Variants in AGTPBP1 observed in about 807,000 individuals in gnomAD.
The protein encoded by AGTPBP1 is cytosolic carboxypeptidase 1.
Under a neutral mutation model 143.9 loss-of-function variants are expected in AGTPBP1, and 70 were observed. The ratio of observed to expected loss-of-function variants is 0.49; its 90% confidence interval spans 0.40 to 0.59. The LOEUF is 0.59. Ranked by LOEUF, AGTPBP1 falls within the 20% of genes least tolerant of loss-of-function variation. AGTPBP1 has a pLI of 0.00. For synonymous variants in AGTPBP1, 463 were observed against 500.2 expected, an observed-to-expected ratio of 0.93 and a Z score of 0.99; for missense variants, 1,229 against 1,464.5, an observed-to-expected ratio of 0.84 and a Z score of 2.62.
the AGTPBP1 span, among the ~76,000 whole-genome samples, chr9:85,778,703 C>T: frequency 1.3e-5 from 2 of 152,176 alleles, no homozygotes; most frequent in African/African-American, 2.4e-5. Context: ...GGGCCGAATG[C>T]AGCAACTTAT....
At position 85,621,281 on chromosome 9, in the gene AGTPBP1, T is replaced by C; in HGVS notation, c.2020A>G (p.Lys674Glu). ...AGCCTTTCAATATCTTGAGCAATTT[T>C]TGTCCTGAAATCATAAAGGTTTAAC... The part of the protein sequence containing the change: ...LERPYGVQRT[K>E]IAQDIERLIH... Residue 674 changes from lysine (K) to glutamate (E), a missense_variant, in exon 15 of 26, where the codon AAA becomes GAA. Around this residue, in one of 2 missense-constraint regions of AGTPBP1, gnomAD observed 743 missense variants for 812.2 expected, o/e 0.91. Coordinates refer to ENST00000357081, the MANE Select transcript of AGTPBP1 (RefSeq NM_001330701.2). 1 of 1,440,568 alleles carries C rather than the reference T, an allele frequency of 6.9e-7. No individual in the cohort carries two copies. The highest frequency in any genetic ancestry group is 9.1e-7 in the Non-Finnish European group (1 of 1,098,240). The allele number at this position is 1,440,568 out of a possible 1,614,324, so 89.2% of individuals were successfully genotyped here.
intron 2 of AGTPBP1, among the ~76,000 whole-genome samples, chr9:85,699,309 C>T (rs1836492828): frequency 1.3e-5 from 2 of 152,094 alleles, no homozygotes; most frequent in Non-Finnish European, 2.9e-5. Flanking sequence ...AGGGCATTAT[C>T]ACTCAAATAT....
At chr9:85,694,007 T>C in intron 2 of AGTPBP1, among the ~76,000 whole-genome samples, 1 of 152,118 alleles carries the variant, frequency 6.6e-6, no homozygotes, top group East Asian at 1.9e-4. Context: ...AGGTGGCCAG[T>C]GTGGCTGGAG....
At chr9:85,578,745 C>G (rs1828051748) in intron 24 of AGTPBP1, among the ~76,000 whole-genome samples, 175 bp downstream of exon 24, 1 of 151,810 alleles carries the variant, frequency 6.6e-6, no homozygotes, top group Non-Finnish European at 1.5e-5. Flanking sequence ...GTAAAGAAAC[C>G]AACAAAACAA....
intron 22 of AGTPBP1, 148 bp from the exon 23 acceptor site, chr9:85,585,742 C>CA (rs1828561772): frequency 1.7e-6 from 1 of 599,952 alleles, no homozygotes; most frequent in Non-Finnish European, 2.6e-6. Flanking sequence ...TTAGAACCAA[C>CA]AAAAGTAATA....
At chr9:85,752,408 A>G in the AGTPBP1 span, among the ~76,000 whole-genome samples, 1 of 152,230 alleles carries the variant, frequency 6.6e-6, no homozygotes, top group Non-Finnish European at 1.5e-5. Context: ...TACTCACAGC[A>G]GATGGATGTC....
At chr9:85,644,902 A>G (rs944891696) in intron 12 of AGTPBP1, among the ~76,000 whole-genome samples, 1 of 152,180 alleles carries the variant, frequency 6.6e-6, no homozygotes, top group Non-Finnish European at 1.5e-5. Flanking sequence ...AATGAGAGTA[A>G]GAGGCAGGCA....
At chr9:85,788,043 A>G in the AGTPBP1 span, 1 of 152,124 alleles carries the variant, frequency 6.6e-6, no homozygotes, top group African/African-American at 2.4e-5. Flanking sequence ...CAGTTCCTTT[A>G]AGAAACAAAC....
intron 10 of AGTPBP1, 73 bp downstream of exon 10, chr9:85,657,362 C>G: frequency 4.6e-6 from 6 of 1,302,192 alleles, no homozygotes; most frequent in Non-Finnish European, 6.3e-6. Flanking sequence ...TATTTGCACA[C>G]TAATTCAGTT....
chr9:85,742,049 C>A (rs957361268), upstream of AGTPBP1: 20 of 1,180,002 alleles, frequency 1.7e-5, no homozygotes, highest in Non-Finnish European at 2.1e-5. Context: ...GCGGGGCGTG[C>A]GAGGCCGCGA....
chr9:85,640,584 A>G (rs1832398167), intron 13 of AGTPBP1, among the ~76,000 whole-genome samples: 1 of 152,202 alleles, frequency 6.6e-6, no homozygotes, highest in African/African-American at 2.4e-5. Context: ...TTCAGACCCA[A>G]AGCAGGAAAC....
At chr9:85,624,910 C>T (rs1459261082) in intron 14 of AGTPBP1, among the ~76,000 whole-genome samples, 1 of 152,144 alleles carries the variant, frequency 6.6e-6, no homozygotes, top group Non-Finnish European at 1.5e-5. Context: ...AAAACAAGCA[C>T]CTTGTTTATT....
chr9:85,786,098 T>C, the AGTPBP1 span: 3 of 1,549,822 alleles, frequency 1.9e-6, no homozygotes, highest in Non-Finnish European at 2.6e-6. Context: ...GGATTATTTT[T>C]AGATCATAAG....
At chr9:85,752,006 A>G in the AGTPBP1 span, among the ~76,000 whole-genome samples, 1 of 149,094 alleles carries the variant, frequency 6.7e-6, no homozygotes, top group Admixed American at 6.7e-5. Flanking sequence ...AGGCAGGTGG[A>G]TCACCTGAGT....
chr9:85,644,009 T>C (rs1244569069), intron 12 of AGTPBP1, among the ~76,000 whole-genome samples: 1 of 152,090 alleles, frequency 6.6e-6, no homozygotes, highest in Non-Finnish European at 1.5e-5. Flanking sequence ...CTTCAATCCT[T>C]AAAAAACTTT....
chr9:85,661,227 T>G (rs1363441358), intron 8 of AGTPBP1, among the ~76,000 whole-genome samples: 1 of 152,024 alleles, frequency 6.6e-6, no homozygotes, highest in Non-Finnish European at 1.5e-5. Flanking sequence ...AGAAGGAAAT[T>G]AACAATGTCT....
At chr9:85,619,430 A>G in intron 15 of AGTPBP1, 129 bp from the exon 16 acceptor site, 2 of 640,008 alleles carry the variant, frequency 3.1e-6, no homozygotes, top group Non-Finnish European at 5.2e-6. Flanking sequence ...TTTTTAAACT[A>G]AAGCACAAAA....
At chr9:85,748,290 C>A in the AGTPBP1 span, among the ~76,000 whole-genome samples, 6 of 152,118 alleles carry the variant, frequency 3.9e-5, no homozygotes, top group African/African-American at 1.4e-4. Context: ...TTTTTCTTCT[C>A]TTCCTGATTG....
intron 25 of AGTPBP1, among the ~76,000 whole-genome samples, chr9:85,573,676 C>T (rs954894063): frequency 4.6e-5 from 7 of 151,544 alleles, no homozygotes; most frequent in African/African-American, 1.7e-4. Flanking sequence ...TCTTCCCGGC[C>T]GCCATCCCAT....
Sources: gnomAD v4.1 joint callset for allele counts (sites outside exome capture counted in the v4.1 genomes callset) on GRCh38, gnomAD v4.1.1 for gene constraint, gnomAD v4.1.1 regional missense constraint, MANE v1.5 for transcripts, NCBI Gene and HGNC (gene_info 2026-07-23, HGNC 2026-07-21) for gene names.